Variants in CSMD1 observed in about 807,000 individuals in gnomAD.
The protein encoded by CSMD1 is CUB and sushi domain-containing protein 1.
In CSMD1, 213 loss-of-function variants were observed where a neutral mutation model predicts 417.5. The ratio of observed to expected loss-of-function variants is 0.51; its 90% confidence interval spans 0.46 to 0.57. The LOEUF (loss-of-function observed/expected upper bound fraction) is 0.57, where lower values mean the gene tolerates loss of function less well. Among genes scored for constraint, CSMD1 ranks in the 20% least tolerant of loss-of-function variants. The pLI is 0.00. For missense variants in CSMD1, 6,923 were observed against 4,529.7 expected (o/e 1.53, Z -15.17); for synonymous variants, 2,862 against 1,736.8 (o/e 1.65, Z -16.11).
At chr8:4,818,245 C>G (rs1799317064) in intron 1 of CSMD1, among the ~76,000 whole-genome samples, 1 of 152,082 alleles carries the variant, frequency 6.6e-6, no homozygotes, top group Non-Finnish European at 1.5e-5. Context: ...AAAAATCATT[C>G]TTTGTAACGA....
intron 11 of CSMD1, among the ~76,000 whole-genome samples, chr8:3,473,121 G>C (rs1341119638): frequency 1.3e-5 from 2 of 152,116 alleles, no homozygotes; most frequent in Non-Finnish European, 2.9e-5. Flanking sequence ...GACTTATACT[G>C]TCTATTCAAC....
chr8:4,651,470 G>A (rs971072858), intron 1 of CSMD1, among the ~76,000 whole-genome samples: 1 of 152,034 alleles, frequency 6.6e-6, no homozygotes, highest in Non-Finnish European at 1.5e-5. Flanking sequence ...TATACTGGTG[G>A]GGGGAGGAAT....
intron 1 of CSMD1, among the ~76,000 whole-genome samples, chr8:4,832,257 A>C (rs185024196): frequency 6.6e-4 from 101 of 152,198 alleles, no homozygotes; most frequent in Non-Finnish European, 1.2e-3. Context: ...CCAGTAATGG[A>C]AGTTTGTGAT....
intron 2 of CSMD1, among the ~76,000 whole-genome samples, chr8:4,591,034 G>C (rs1005263008): frequency 6.6e-6 from 1 of 152,116 alleles, no homozygotes; most frequent in Non-Finnish European, 1.5e-5. Flanking sequence ...TCAATTGCAT[G>C]TTTCTCTGAA....
At chr8:3,729,293 C>T (rs1323490054) in intron 6 of CSMD1, among the ~76,000 whole-genome samples, 3 of 152,172 alleles carry the variant, frequency 2.0e-5, no homozygotes, top group African/African-American at 7.2e-5. Flanking sequence ...TGGCACAGGG[C>T]TCGTGCAGGG....
chr8:4,800,897 G>C (rs779740405), intron 1 of CSMD1, among the ~76,000 whole-genome samples: 1 of 152,174 alleles, frequency 6.6e-6, no homozygotes, highest in Non-Finnish European at 1.5e-5. Flanking sequence ...CTTACGTCTT[G>C]TACTCATCAC....
intron 1 of CSMD1, among the ~76,000 whole-genome samples, chr8:4,979,362 G>C (rs772811463): frequency 6.6e-6 from 1 of 151,272 alleles, no homozygotes; most frequent in South Asian, 2.1e-4. Flanking sequence ...TAAAGACAAA[G>C]AAACCAAGTG....
intron 3 of CSMD1, among the ~76,000 whole-genome samples, chr8:4,067,730 G>C (rs1001072071): frequency 6.6e-6 from 1 of 152,166 alleles, no homozygotes; most frequent in Non-Finnish European, 1.5e-5. Context: ...ATTTGATAAA[G>C]GAACGTGTTA....
At chr8:3,727,678 C>A (rs1316465027) in intron 6 of CSMD1, among the ~76,000 whole-genome samples, 1 of 152,114 alleles carries the variant, frequency 6.6e-6, no homozygotes, top group Non-Finnish European at 1.5e-5. Context: ...AAGTTTAAAA[C>A]AGCATTATTT....
intron 2 of CSMD1, among the ~76,000 whole-genome samples, chr8:4,626,026 C>A (rs761251638): frequency 1.3e-5 from 2 of 152,116 alleles, no homozygotes; most frequent in Non-Finnish European, 2.9e-5. Context: ...GCTTGGCCAA[C>A]CTTGATATAT....
At chr8:4,327,458 G>T (rs532288622) in intron 3 of CSMD1, among the ~76,000 whole-genome samples, 2 of 152,284 alleles carry the variant, frequency 1.3e-5, no homozygotes, top group African/African-American at 2.4e-5. Flanking sequence ...CCTCCAGGTT[G>T]CTGCCTGTAG....
At chr8:3,631,544 G>C (rs1013921201) in intron 7 of CSMD1, among the ~76,000 whole-genome samples, 6 of 152,206 alleles carry the variant, frequency 3.9e-5, no homozygotes, top group Admixed American at 2.0e-4. Context: ...TTCCAAAATA[G>C]AAAGGTTTGC....
chr8:3,204,203 A>G (rs549906101), intron 31 of CSMD1, among the ~76,000 whole-genome samples: 82 of 152,312 alleles, frequency 5.4e-4, no homozygotes, highest in African/African-American at 1.9e-3. Flanking sequence ...GAAATTATAA[A>G]CGATATTTAG....
intron 2 of CSMD1, among the ~76,000 whole-genome samples, chr8:4,455,287 A>G (rs895144343): frequency 4.6e-5 from 7 of 152,192 alleles, no homozygotes; most frequent in African/African-American, 1.7e-4. Context: ...GAACTTCATG[A>G]TGGATTCTTG....
intron 2 of CSMD1, among the ~76,000 whole-genome samples, chr8:4,570,573 G>A (rs571060786): frequency 2.2e-4 from 33 of 151,776 alleles, no homozygotes; most frequent in East Asian, 1.9e-3. Context: ...GATGTTCATC[G>A]GGCATATTAG....
At chr8:4,452,389 G>T (rs1021915784) in intron 2 of CSMD1, among the ~76,000 whole-genome samples, 5 of 152,148 alleles carry the variant, frequency 3.3e-5, no homozygotes, top group African/African-American at 1.2e-4. Context: ...TAGCCTCGAG[G>T]GCTTGGGGTT....
At chr8:4,925,532 A>AT (rs1563782339) in intron 1 of CSMD1, among the ~76,000 whole-genome samples, 1 of 47,330 alleles carries the variant, frequency 2.1e-5, no homozygotes, top group East Asian at 8.5e-4. Flanking sequence ...TCTGTCTGGC[A>AT]TTTTCTTTTT....
chr8:3,545,471 C>A (rs750528626), intron 10 of CSMD1, among the ~76,000 whole-genome samples: 1 of 152,130 alleles, frequency 6.6e-6, no homozygotes, highest in African/African-American at 2.4e-5. Flanking sequence ...TTTTCCAGGC[C>A]TAGGTCTACA....
At chr8:3,156,886 G>A (rs1051692944) in intron 39 of CSMD1, among the ~76,000 whole-genome samples, 2 of 151,004 alleles carry the variant, frequency 1.3e-5, no homozygotes, top group South Asian at 2.1e-4. Context: ...AATCACAGGG[G>A]AGGATACGCT....
Sources: allele counts gnomAD v4.1 joint callset (sites outside exome capture counted in the v4.1 genomes callset), GRCh38; gene constraint gnomAD v4.1.1; transcripts MANE v1.5; gene names NCBI Gene and HGNC (gene_info 2026-07-23, HGNC 2026-07-21).